The following CEACAM19 variants were observed in gnomAD, a reference collection of about 807,000 sequenced individuals.
The protein encoded by CEACAM19 is cell adhesion molecule CEACAM19.
In CEACAM19, 37 loss-of-function variants were observed where a neutral mutation model predicts 37.6. The observed-to-expected ratio is 0.98, with a 90% confidence interval of 0.76 to 1.29. The LOEUF (loss-of-function observed/expected upper bound fraction) is 1.29. Ranked by LOEUF, CEACAM19 falls within the 50% of genes most tolerant of loss-of-function variation. CEACAM19 has a pLI of 0.00. For synonymous variants in CEACAM19, 140 were observed against 149.8 expected, an observed-to-expected ratio of 0.93 and a Z score of 0.48; for missense variants, 340 against 375.6, an observed-to-expected ratio of 0.91 and a Z score of 0.78.
At chr19:44,681,989 C>T (rs1055413025) in intron 6 of CEACAM19, among the ~76,000 whole-genome samples, 4 of 151,184 alleles carry the variant, frequency 2.6e-5, no homozygotes, top group Admixed American at 1.3e-4. Context: ...GGCATGATGG[C>T]TCTACACCTG....
At chr19:44,682,040 T>C (rs1974070599) in intron 6 of CEACAM19, among the ~76,000 whole-genome samples, 1 of 151,342 alleles carries the variant, frequency 6.6e-6, no homozygotes, top group Admixed American at 6.6e-5. Context: ...GGAGGATTGC[T>C]TGAGGCCGGG....
chr19:44,683,784 C>T lies in CEACAM19; in HGVS notation c.*294C>T, dbSNP rs1402020878. 1 of 342,482 alleles carries T rather than the reference C, an allele frequency of 2.9e-6. No homozygotes were observed. Among genetic ancestry groups the T allele is most frequent in the Non-Finnish European group, 5.3e-6 (1 of 190,022 alleles). 21.2% of individuals were successfully genotyped at this position (342,482 alleles called of 1,614,324 possible). On this transcript the variant is annotated 3_prime_UTR_variant, in exon 8 of 8. Transcript: ENST00000358777. Reference sequence around the variant, plus strand: ...GGCAGGCTCTGGCCCCTTTCCATGCCAAAGTCCCCCAAGATCTGGATATCT... The same window carrying T: ...GGCAGGCTCTGGCCCCTTTCCATGCTAAAGTCCCCCAAGATCTGGATATCT...
At position 44,683,583 on chromosome 19, in the gene CEACAM19, G is replaced by T. The variant is rs1974104849; in HGVS notation, c.*93G>T. On this transcript the variant is annotated 3_prime_UTR_variant, in exon 8 of 8. Transcript: ENST00000358777. ...GAGACCAGCAGGACAAGGCCATTGG[G>T]GGCTGTGGGGCCGATGAGGTGGACT... 2.7e-6 allele frequency: 2 copies of T among 746,092 alleles called. No homozygotes were observed. The highest frequency in any genetic ancestry group is 1.8e-5 in the African/African-American group (1 of 55,858). 46.2% of individuals were successfully genotyped at this position (746,092 alleles called of 1,614,324 possible).
chr19:44,668,767 AT>A (rs1166358556), upstream of CEACAM19, among the ~76,000 whole-genome samples: 2 of 114,212 alleles, frequency 1.8e-5, no homozygotes, highest in African/African-American at 7.2e-5. Context: ...AATATATATA[AT>A]ATAATATATA....
chr19:44,680,194 G>C, intron 4 of CEACAM19, 94 bp from the exon 5 acceptor site: 1 of 1,008,888 alleles, frequency 9.9e-7, no homozygotes, highest in Non-Finnish European at 1.5e-6. Context: ...GTGGCTTTCA[G>C]GGACCTGGTG....
At chr19:44,683,215 G>A in intron 7 of CEACAM19, 2 of 440,486 alleles carry the variant, frequency 4.5e-6, no homozygotes, top group Non-Finnish European at 8.2e-6. Flanking sequence ...TCCATTCTCT[G>A]TCTCTCCTGC....
chr19:44,668,514 T>TA (rs1404113598), upstream of CEACAM19, among the ~76,000 whole-genome samples: 31 of 39,086 alleles, frequency 7.9e-4, 2 homozygotes, highest in African/African-American at 3.1e-3. Flanking sequence ...TATATATTAG[T>TA]TATAATATAA....
At chr19:44,678,968 TAACA>T (rs1364104662) in intron 4 of CEACAM19, 32 bp downstream of exon 4, 4 of 1,611,640 alleles carry the variant, frequency 2.5e-6, no homozygotes, top group Non-Finnish European at 3.4e-6. Flanking sequence ...TTTAGTGAAC[TAACA>T]AACTTGCTAT....
In CEACAM19 at chr19:44,683,635, G is replaced by A; in HGVS notation, c.*145G>A. On this transcript the variant is annotated 3_prime_UTR_variant, in exon 8 of 8. Coordinates refer to ENST00000358777, the MANE Select transcript of CEACAM19 (RefSeq NM_001127893.3). ...AGCCAAAGACTCAGCAGCACATGGG[G>A]CAGGTGTCCTGGCAGGGGGACAGGA... 2.0e-6 allele frequency: 1 copy of A among 489,868 alleles called. No individual in the cohort carries two copies. 30.3% of individuals were successfully genotyped at this position (489,868 alleles called of 1,614,324 possible). A position where few individuals can be genotyped will look rare whatever the true frequency, so the allele number is the denominator to read the frequency against.
intron 3 of CEACAM19, chr19:44,677,740 A>G (rs141846480): frequency 0.029 from 4,451 of 151,476 alleles, 88 homozygotes; most frequent in Middle Eastern, 0.051. Flanking sequence ...TAGTGGCGCA[A>G]TCTTGGCTCA....
At chr19:44,681,180 T>G (rs747402315) in intron 5 of CEACAM19, 47 bp from the exon 6 acceptor site, 18 of 1,321,362 alleles carry the variant, frequency 1.4e-5, no homozygotes, top group Non-Finnish European at 2.0e-5. Flanking sequence ...CAGAGTGGCC[T>G]GTGGGGCCCA....
At chr19:44,669,578 T>A (rs1423430838), upstream of CEACAM19, among the ~76,000 whole-genome samples, 2 of 151,974 alleles carry the variant, frequency 1.3e-5, no homozygotes, top group Non-Finnish European at 1.5e-5. Context: ...CCCCACACCC[T>A]CCTTCCTGGC....
intron 7 of CEACAM19, 183 bp downstream of exon 7, chr19:44,682,803 C>T (rs1255850956): frequency 1.8e-6 from 1 of 565,656 alleles, no homozygotes; most frequent in East Asian, 3.3e-5. Context: ...TGGCAAGTCC[C>T]TTTTCCTCCC....
intron 5 of CEACAM19, among the ~76,000 whole-genome samples, chr19:44,681,013 G>A (rs937189923): frequency 6.6e-6 from 1 of 152,092 alleles, no homozygotes; most frequent in Non-Finnish European, 1.5e-5. Flanking sequence ...TGTCACTCTG[G>A]AGACTGGTCT....
At chr19:44,672,114 C>A in intron 1 of CEACAM19, 128 bp downstream of exon 1, 1 of 754,272 alleles carries the variant, frequency 1.3e-6, no homozygotes, top group Non-Finnish European at 2.2e-6. Flanking sequence ...GGGGGAGGGG[C>A]AACAGAATCA....
Position 44,671,796 on chromosome 19 carries a change from G to C in CEACAM19, c.-136G>C, listed in dbSNP as rs912005180. On this transcript the variant is annotated 5_prime_UTR_variant, in exon 1 of 8. Coordinates refer to ENST00000358777, the MANE Select transcript of CEACAM19 (RefSeq NM_001127893.3). The stretch of plus-strand genomic sequence containing the variant: ...CCATGGACAGGGCATGCTGGGGCTG[G>C]GCCAGCCCCAGCGGTGTCTCTAAGG... The C allele has an allele frequency of 7.6e-6, 5 of 656,398 alleles. No homozygotes were observed. The highest frequency in any genetic ancestry group is 1.9e-5 in the South Asian group (1 of 53,120). The allele number at this position is 656,398 out of a possible 1,614,324, so 40.7% of individuals were successfully genotyped here. A position where few individuals can be genotyped will look rare whatever the true frequency, so the allele number is the denominator to read the frequency against.
rs748516442 is a variant in CEACAM19 at position 44,672,721 on chromosome 19, C to A, written c.181C>A (p.Gln61Lys). ...AGTCCAGGGTGTCCCAGACACCTTC[C>A]AGGACTTCAACTGGTACCTGGGGGA... ...LSVQGVPDTF[Q>K]DFNWYLGEET... The change falls in exon 2 of 8, where the codon CAG becomes AAG. Residue 61 changes from glutamine (Q) to lysine (K), a missense_variant. Physicochemically the swap from Gln to Lys is moderately conservative, Grantham distance 53. Transcript: ENST00000358777. 10 of 1,583,498 alleles carry A rather than the reference C, an allele frequency of 6.3e-6. No individual in the cohort carries two copies. Among genetic ancestry groups the A allele is most frequent in the Middle Eastern group, 1.7e-4 (1 of 5,990 alleles).
At chr19:44,668,059 AAT>A (rs1491097820), upstream of CEACAM19, among the ~76,000 whole-genome samples, 4 of 85,682 alleles carry the variant, frequency 4.7e-5, no homozygotes, top group East Asian at 1.4e-3. Flanking sequence ...TGTATATATA[AAT>A]ATATAATATA....
At position 44,676,324 on chromosome 19, in the gene CEACAM19, G is replaced by A. The variant is rs750815509; in HGVS notation, c.478G>A (p.Ala160Thr). ...CCTGCCCACCAACGCTGGGATCCTG[G>A]CGGCCACCATCATTGGATCTCTTGC... ...THLPTNAGIL[A>T]ATIIGSLAAG... Residue 160 changes from alanine to threonine, a missense_variant, in exon 3 of 8, where the codon GCG (alanine) becomes ACG (threonine). By Grantham distance (58) the Ala-to-Thr change is moderately conservative (BLOSUM62 0). Coordinates refer to ENST00000358777, the MANE Select transcript of CEACAM19 (RefSeq NM_001127893.3). The A allele has an allele frequency of 1.2e-6, 2 of 1,613,960 alleles. No homozygotes were observed. Among genetic ancestry groups the A allele is most frequent in the Non-Finnish European group, 1.7e-6 (2 of 1,180,012 alleles).
Sources: gnomAD v4.1 joint callset for allele counts (sites outside exome capture counted in the v4.1 genomes callset) on GRCh38, gnomAD v4.1.1 for gene constraint, MANE v1.5 for transcripts, NCBI Gene and HGNC (gene_info 2026-07-23, HGNC 2026-07-21) for gene names.